Variants in ALK observed in about 807,000 individuals in gnomAD.
ALK encodes the protein ALK receptor tyrosine kinase.
In ALK, 74 loss-of-function variants were observed where a neutral mutation model predicts 163.1. The observed-to-expected ratio is 0.45, with a 90% CI of 0.38 to 0.55. The LOEUF (loss-of-function observed/expected upper bound fraction) is 0.55, where lower values mean the gene tolerates loss of function less well. ALK is among the 20% of genes least tolerant of loss of function. The pLI is 0.00. For synonymous variants in ALK, 960 were observed against 843.2 expected (o/e 1.14, Z -2.40); for missense variants, 2,063 against 2,105.3 (o/e 0.98, Z 0.39).
intron 2 of ALK, among the ~76,000 whole-genome samples, chr2:29,703,328 T>C (rs952280705): frequency 3.3e-5 from 5 of 152,230 alleles, no homozygotes; most frequent in Non-Finnish European, 7.3e-5. Context: ...CGTACAATCT[T>C]TTCCCATATG....
chr2:29,454,390 A>G (rs1010231208), intron 4 of ALK, among the ~76,000 whole-genome samples: 45 of 152,216 alleles, frequency 3.0e-4, no homozygotes, highest in African/African-American at 1.1e-3. Flanking sequence ...AATACAATGT[A>G]AGTGCTAGGT....
In ALK at chr2:29,856,769, C is replaced by T. The variant is rs78149902; in HGVS notation, c.667+63224G>A. On this transcript the variant is annotated intron_variant, in intron 1 of 28. Transcript: ENST00000389048. ...CAACATGGGTGAAGGAGAAAAGAAA[C>T]GGATCCTGTGTCCTTCCAGAGGACA... is the stretch of plus-strand genomic sequence containing the variant. Among the ~76,000 whole-genome samples, 125 of 152,304 alleles carry T rather than the reference C, an allele frequency of 8.2e-4. 1 individual carries two copies. The highest frequency in any genetic ancestry group is 4.1e-3 in the East Asian group (21 of 5,178).
chr2:29,230,394 C>T (rs1272735175), intron 15 of ALK, among the ~76,000 whole-genome samples: 1 of 151,850 alleles, frequency 6.6e-6, no homozygotes, highest in Non-Finnish European at 1.5e-5. Flanking sequence ...CCCTAAAACC[C>T]TTTCTGCTGC....
At chr2:29,310,912 T>C (rs1432836500) in intron 8 of ALK, among the ~76,000 whole-genome samples, 2 of 152,218 alleles carry the variant, frequency 1.3e-5, no homozygotes, top group East Asian at 3.8e-4. Context: ...TACAGGTGTC[T>C]GGACGGTTGT....
chr2:29,290,911 G>A (rs930594953), intron 9 of ALK, among the ~76,000 whole-genome samples: 2 of 152,124 alleles, frequency 1.3e-5, no homozygotes, highest in Non-Finnish European at 2.9e-5. Context: ...AGGCAGGCAG[G>A]GGCCGTGCGG....
Position 29,456,840 on chromosome 2 carries a change from C to T in ALK, c.1155-72981G>A, listed in dbSNP as rs554858259. Among the ~76,000 whole-genome samples, 4 of 152,234 alleles carry T rather than the reference C, an allele frequency of 2.6e-5. No homozygotes were observed. In the South Asian group the frequency reaches 8.3e-4, roughly 32 times the overall value. On this transcript the variant is annotated intron_variant, in intron 4 of 28. Coordinates refer to ENST00000389048, the MANE Select transcript of ALK (RefSeq NM_004304.5). The stretch of plus-strand genomic sequence containing the variant: ...ATAATGCTCCATCTCCTAATAGTTG[C>T]TCAACGTGTACTGGTTTCTTTCTTT...
intron 3 of ALK, among the ~76,000 whole-genome samples, chr2:29,670,963 T>C (rs1677665461): frequency 6.6e-6 from 1 of 152,108 alleles, no homozygotes. Flanking sequence ...TAATTATTGG[T>C]CAGGGAGCTC....
intron 1 of ALK, among the ~76,000 whole-genome samples, chr2:29,786,424 G>T (rs1303025281): frequency 2.6e-5 from 4 of 152,184 alleles, no homozygotes; most frequent in Non-Finnish European, 5.9e-5. Flanking sequence ...AGGCCAGCAA[G>T]TTGCACTTGA....
intron 5 of ALK, among the ~76,000 whole-genome samples, chr2:29,346,587 C>A (rs572311507): frequency 6.6e-6 from 1 of 152,246 alleles, no homozygotes; most frequent in African/African-American, 2.4e-5. Context: ...ATTGCTACTT[C>A]GTTTCACAGT....
At chr2:29,723,791 T>C (rs1679487614) in intron 1 of ALK, among the ~76,000 whole-genome samples, 1 of 152,232 alleles carries the variant, frequency 6.6e-6, no homozygotes, top group African/African-American at 2.4e-5. Flanking sequence ...TATGCTCCTA[T>C]CTCTGTTTTA....
chr2:29,435,764 C>T (rs1670381123), intron 4 of ALK, among the ~76,000 whole-genome samples: 1 of 152,154 alleles, frequency 6.6e-6, no homozygotes, highest in Non-Finnish European at 1.5e-5. Flanking sequence ...CTGGGTAACT[C>T]TGACCCTTAA....
At chr2:29,868,828 CAG>C (rs1572452879) in intron 1 of ALK, among the ~76,000 whole-genome samples, 1 of 146,338 alleles carries the variant, frequency 6.8e-6, no homozygotes, top group East Asian at 2.1e-4. Flanking sequence ...GTGACCGTGG[CAG>C]AGTTATTCTA....
rs139863100 is a variant in ALK at position 29,611,425 on chromosome 2, A to G, written c.953-79309T>C. Among the ~76,000 whole-genome samples the G allele has an allele frequency of 4.8e-3, 731 of 152,334 alleles. 8 individuals carry two copies. Among genetic ancestry groups the G allele is most frequent in the African/African-American group, 0.015 (639 of 41,562 alleles). On this transcript the variant is annotated intron_variant, in intron 3 of 28. Transcript: ENST00000389048. ...GTAAACACTTTCATAAACAGTACAT[A>G]TAATTCTCACTACAACCCTGTGAGA... is the stretch of plus-strand genomic sequence containing the variant.
intron 1 of ALK, among the ~76,000 whole-genome samples, chr2:29,811,234 T>TC (rs35113318): frequency 1.3e-5 from 2 of 151,380 alleles, no homozygotes; most frequent in African/African-American, 4.9e-5. Context: ...ACATTCTGAC[T>TC]CCCCCCCTTT....
At position 29,193,453 on chromosome 2, in the gene ALK, AC is replaced by A; in HGVS notation, c.4633del (p.Val1545LeufsTer13). ...LEGSCTVPPN[V>X]ATGRLPGASL... ...GGCCCCCGGAAGTCTCCCAGTTGCA[AC>A]GTTAGGTGGGACAGTACAGCTTCCC... On this transcript the variant is annotated frameshift_variant, in exon 29 of 29. Coordinates refer to ENST00000389048, the MANE Select transcript of ALK (RefSeq NM_004304.5). LOFTEE classifies it low-confidence loss of function (END_TRUNC). The A allele has an allele frequency of 6.2e-7, 1 of 1,614,180 alleles. No individual in the cohort carries two copies. The highest frequency in any genetic ancestry group is 2.2e-5 in the East Asian group (1 of 44,880).
At chr2:29,863,443 TA>T (rs1666346282) in intron 1 of ALK, among the ~76,000 whole-genome samples, 1 of 152,076 alleles carries the variant, frequency 6.6e-6, no homozygotes, top group African/African-American at 2.4e-5. Context: ...TGACCCAATT[TA>T]AAAATGAGCA....
intron 1 of ALK, among the ~76,000 whole-genome samples, chr2:29,915,108 G>A (rs1667800159): frequency 6.6e-6 from 1 of 152,216 alleles, no homozygotes; most frequent in African/African-American, 2.4e-5. Flanking sequence ...AGGTCAGACT[G>A]GAAAAATTTC....
In ALK at chr2:29,534,200, G is replaced by A. The variant is rs191287188; in HGVS notation, c.953-2084C>T. ...TGAGTGGCACCATCAGAGTGGTGCA[G>A]CAGGAGAACTGATCTGTTATGGTGG... is the stretch of plus-strand genomic sequence containing the variant. On this transcript the variant is annotated intron_variant, in intron 3 of 28. Coordinates refer to ENST00000389048, the MANE Select transcript of ALK (RefSeq NM_004304.5). Among the ~76,000 whole-genome samples, 1,125 of 152,304 alleles carry A rather than the reference G, an allele frequency of 7.4e-3. 57 individuals are homozygous for A. In the East Asian group the frequency reaches 0.13, roughly 17 times the overall value.
At chr2:29,768,021 G>A (rs866192862) in intron 1 of ALK, among the ~76,000 whole-genome samples, 2 of 152,216 alleles carry the variant, frequency 1.3e-5, no homozygotes, top group Non-Finnish European at 2.9e-5. Flanking sequence ...GCTATTTCTT[G>A]TCTTAGTGAG....
Sources: gnomAD v4.1 joint callset for allele counts (sites outside exome capture counted in the v4.1 genomes callset) on GRCh38, gnomAD v4.1.1 for gene constraint, MANE v1.5 for transcripts, NCBI Gene and HGNC (gene_info 2026-07-23, HGNC 2026-07-21) for gene names.